Variants in SLC16A9 observed in about 807,000 individuals in gnomAD.
SLC16A9 encodes the protein solute carrier family 16 member 9, also known as monocarboxylate transporter 9.
A neutral mutation model predicts 44.3 loss-of-function variants in SLC16A9; 26 were observed. That is an observed-to-expected ratio of 0.59 (90% CI 0.43 to 0.81). SLC16A9 has a LOEUF of 0.81. SLC16A9 is among the 40% of genes least tolerant of loss of function. The probability of loss-of-function intolerance (pLI) is 0.00; values close to 1 mark genes in which losing one functional copy is unlikely to be tolerated. For missense variants in SLC16A9, 559 were observed against 595.8 expected, an observed-to-expected ratio of 0.94 and a Z score of 0.64; for synonymous variants, 230 against 225.1, an observed-to-expected ratio of 1.02 and a Z score of -0.19.
chr10:59,654,569 T>C lies in SLC16A9; in HGVS notation c.457A>G (p.Ile153Val), dbSNP rs1362892668. ...ISTGSSVGLF[I>V]YAALQRMLVE... ...AGCATCCTCTGCAGAGCAGCATATA[T>C]GAAAAGGCCAACGCTTGAACCTAAA... The change falls in exon 5 of 6, where the codon ATA becomes GTA. Residue 153 changes from isoleucine (I) to valine (V), a missense_variant. Coordinates refer to ENST00000395348, the MANE Select transcript of SLC16A9 (RefSeq NM_194298.3). The C allele has an allele frequency of 1.9e-6, 3 of 1,590,378 alleles. No individual in the cohort carries two copies. In the East Asian group the frequency reaches 6.7e-5, roughly 36 times the overall value.
chr10:59,653,255 T>TAAAAAAAAA (rs1386108829), intron 5 of SLC16A9, among the ~76,000 whole-genome samples: 1 of 147,598 alleles, frequency 6.8e-6, no homozygotes, highest in African/African-American at 2.6e-5. Flanking sequence ...CCGTCTCTAC[T>TAAAAAAAAA]AAACAACAAC....
In SLC16A9 at chr10:59,654,231, A is replaced by G; in HGVS notation, c.795T>C (p.Pro265=). 6.2e-7 allele frequency: 1 copy of G among 1,614,122 alleles called. No individual in the cohort carries two copies. The highest frequency in any genetic ancestry group is 2.2e-5 in the East Asian group (1 of 44,870). Reference sequence around the variant, plus strand: ...CTGCAACTTTCTTTTTGTACGTTTCAGGCTCTTTTGTGTGTGTCACTGTGG... The same window carrying G: ...CTGCAACTTTCTTTTTGTACGTTTCGGGCTCTTTTGTGTGTGTCACTGTGG... ...KNPTVTHTKE[P]ETYKKKVAEQ... is the part of the protein sequence containing the mutation. The change falls in exon 5 of 6, where the codon CCT becomes CCC. Residue 265 remains proline, a synonymous_variant. Transcript: ENST00000395348.
intron 1 of SLC16A9, among the ~76,000 whole-genome samples, chr10:59,686,960 T>G (rs1840148469): frequency 6.6e-6 from 1 of 152,170 alleles, no homozygotes; most frequent in African/African-American, 2.4e-5. Context: ...CAGGCTGGAG[T>G]GCAATGGCAC....
intron 1 of SLC16A9, among the ~76,000 whole-genome samples, chr10:59,691,900 C>T (rs562239808): frequency 6.6e-6 from 1 of 152,254 alleles, no homozygotes; most frequent in South Asian, 2.1e-4. Context: ...TATACATATG[C>T]ACTATACTAA....
intron 2 of SLC16A9, among the ~76,000 whole-genome samples, chr10:59,677,148 C>T (rs568286606): frequency 1.3e-5 from 2 of 151,656 alleles, no homozygotes; most frequent in East Asian, 3.9e-4. Flanking sequence ...CCCGAACTTA[C>T]CACTGCCTGC....
intron 2 of SLC16A9, among the ~76,000 whole-genome samples, chr10:59,674,153 G>T (rs1355240231): frequency 6.6e-6 from 1 of 152,102 alleles, no homozygotes; most frequent in East Asian, 1.9e-4. Flanking sequence ...ATACTGTCAT[G>T]ATACATACAC....
chr10:59,694,231 G>A (rs1218310862), intron 1 of SLC16A9, among the ~76,000 whole-genome samples: 1 of 152,122 alleles, frequency 6.6e-6, no homozygotes, highest in African/African-American at 2.4e-5. Flanking sequence ...GAGCCACCAC[G>A]CCTGGCCTCC....
At chr10:59,668,709 G>A (rs1201899136) in intron 3 of SLC16A9, among the ~76,000 whole-genome samples, 2 of 152,034 alleles carry the variant, frequency 1.3e-5, no homozygotes, top group South Asian at 2.1e-4. Context: ...ATGCTATCAT[G>A]AGTACAAAAA....
At chr10:59,665,556 GA>G (rs1235458613) in intron 3 of SLC16A9, among the ~76,000 whole-genome samples, 6 of 152,088 alleles carry the variant, frequency 3.9e-5, no homozygotes, top group African/African-American at 1.2e-4. Context: ...CATTTATGGG[GA>G]AAAAAATACT....
chr10:59,664,149 C>T, intron 4 of SLC16A9, 78 bp downstream of exon 4: 1 of 894,228 alleles, frequency 1.1e-6, no homozygotes, highest in Non-Finnish European at 1.6e-6. Context: ...GTTGGTTAAA[C>T]ATGTCTGTGC....
chr10:59,685,078 G>A (rs1053992481), intron 1 of SLC16A9, among the ~76,000 whole-genome samples: 14 of 152,220 alleles, frequency 9.2e-5, no homozygotes, highest in African/African-American at 3.4e-4. Flanking sequence ...GTTTCTTTAT[G>A]CATTTATAAG....
chr10:59,699,587 A>G (rs1653480999), intron 1 of SLC16A9, among the ~76,000 whole-genome samples: 1 of 152,210 alleles, frequency 6.6e-6, no homozygotes, highest in South Asian at 2.1e-4. Context: ...GGGGAATGAC[A>G]GTATTTACCT....
chr10:59,680,058 TA>T (rs1839953913), intron 2 of SLC16A9, among the ~76,000 whole-genome samples: 1 of 152,190 alleles, frequency 6.6e-6, no homozygotes, highest in Admixed American at 6.5e-5. Context: ...GTGTTTTCTA[TA>T]TTGGCATCCC....
chr10:59,678,540 C>CTTTTTTTTTT, intron 2 of SLC16A9, among the ~76,000 whole-genome samples: 60 of 22,324 alleles, frequency 2.7e-3, no homozygotes, highest in African/African-American at 4.8e-3. Flanking sequence ...TTTTCTTTTT[C>CTTTTTTTTTT]TTTTTCTTTT....
chr10:59,678,546 C>CTTTTTCTTTTTTTTTTTTTTTTTTTTT (rs1839912421), intron 2 of SLC16A9, among the ~76,000 whole-genome samples: 1 of 30,620 alleles, frequency 3.3e-5, no homozygotes. Flanking sequence ...TTTTCTTTTT[C>CTTTTTCTTTTTTTTTTTTTTTTTTTTT]TTTTTTTTGA....
rs183550776 is a variant in SLC16A9 at position 59,653,616 on chromosome 10, T to G, written c.1351+59A>C. Reference sequence around the variant, plus strand: ...TACTATTACAATCTGGACCTCTATATCTGGAGATATGACAAGGAAGAACAG... The same window carrying G: ...TACTATTACAATCTGGACCTCTATAGCTGGAGATATGACAAGGAAGAACAG... On this transcript the variant is annotated intron_variant, in intron 5 of 5. Transcript: ENST00000395348. 7 of 1,429,604 alleles carry G rather than the reference T, an allele frequency of 4.9e-6. No individual in the cohort carries two copies. In the East Asian group the frequency reaches 1.4e-4, roughly 28 times the overall value. The allele number at this position is 1,429,604 out of a possible 1,614,324, so 88.6% of individuals were successfully genotyped here.
chr10:59,698,472 C>T (rs896474264), intron 1 of SLC16A9, among the ~76,000 whole-genome samples: 3 of 152,132 alleles, frequency 2.0e-5, no homozygotes, highest in African/African-American at 7.2e-5. Flanking sequence ...CAGTTTCACC[C>T]TTATGGCTCC....
At chr10:59,670,489 T>C (rs994902887) in intron 3 of SLC16A9, among the ~76,000 whole-genome samples, 1 of 152,160 alleles carries the variant, frequency 6.6e-6, no homozygotes, top group African/African-American at 2.4e-5. Context: ...AGCTGGCAAG[T>C]GGATAAAAGA....
At chr10:59,685,544 T>C (rs991065203) in intron 1 of SLC16A9, among the ~76,000 whole-genome samples, 1 of 152,216 alleles carries the variant, frequency 6.6e-6, no homozygotes, top group Admixed American at 6.5e-5. Flanking sequence ...ACTTGACAAA[T>C]ATCTGGAAGA....
Sources: gnomAD v4.1 joint callset for allele counts (sites outside exome capture counted in the v4.1 genomes callset) on GRCh38, gnomAD v4.1.1 for gene constraint, MANE v1.5 for transcripts, NCBI Gene and HGNC (gene_info 2026-07-23, HGNC 2026-07-21) for gene names.